The following EXOC6B variants were observed in gnomAD, a reference collection of about 807,000 sequenced individuals.
EXOC6B encodes the protein exocyst complex component 6B.
In EXOC6B, 54 loss-of-function variants were observed where a neutral mutation model predicts 113.5. That is an observed-to-expected ratio of 0.48 (90% CI 0.38 to 0.60). EXOC6B has a LOEUF of 0.60. Among genes scored for constraint, EXOC6B ranks in the 20% least tolerant of loss-of-function variants. The pLI is 0.00. For missense variants in EXOC6B, 797 were observed against 977.5 expected (o/e 0.82, Z 2.46); for synonymous variants, 357 against 339.0 (o/e 1.05, Z -0.58).
At chr2:72,405,104 T>C (rs528095584) in intron 18 of EXOC6B, among the ~76,000 whole-genome samples, 1 of 152,156 alleles carries the variant, frequency 6.6e-6, no homozygotes, top group East Asian at 1.9e-4. Flanking sequence ...AGAAAGGGTA[T>C]CAGTGATGGA....
intron 5 of EXOC6B, among the ~76,000 whole-genome samples, chr2:72,727,083 T>C (rs1680346556): frequency 6.6e-6 from 1 of 152,022 alleles, no homozygotes; most frequent in Non-Finnish European, 1.5e-5. Context: ...CTGTAACCAA[T>C]ACACTGAGGA....
chr2:72,733,609 T>C (rs191476911), intron 2 of EXOC6B, among the ~76,000 whole-genome samples: 3 of 152,248 alleles, frequency 2.0e-5, no homozygotes, highest in African/African-American at 7.2e-5. Context: ...TCTTAACAGC[T>C]CCTAACACTT....
chr2:72,491,163 T>C (rs1436458910), intron 16 of EXOC6B, among the ~76,000 whole-genome samples: 1 of 152,196 alleles, frequency 6.6e-6, no homozygotes, highest in Non-Finnish European at 1.5e-5. Context: ...AATATTTCTG[T>C]ACTAGGCAAT....
intron 1 of EXOC6B, among the ~76,000 whole-genome samples, chr2:72,815,492 A>C (rs1337451240): frequency 7.2e-6 from 1 of 138,372 alleles, no homozygotes; most frequent in Non-Finnish European, 1.6e-5. Context: ...ACCCTGTTTC[A>C]AAAAAAAAAA....
At chr2:72,357,071 A>G (rs1262600716) in intron 19 of EXOC6B, among the ~76,000 whole-genome samples, 2 of 152,198 alleles carry the variant, frequency 1.3e-5, no homozygotes, top group Non-Finnish European at 2.9e-5. Context: ...AAATGTGTGA[A>G]TTGTTGACTT....
At chr2:72,822,604 A>G (rs1686644662) in intron 1 of EXOC6B, among the ~76,000 whole-genome samples, 1 of 152,200 alleles carries the variant, frequency 6.6e-6, no homozygotes, top group Non-Finnish European at 1.5e-5. Context: ...ATGATACACA[A>G]ATAATAGCTG....
intron 18 of EXOC6B, among the ~76,000 whole-genome samples, chr2:72,382,669 T>G (rs1399783226): frequency 6.6e-6 from 1 of 152,176 alleles, no homozygotes; most frequent in Non-Finnish European, 1.5e-5. Flanking sequence ...ATATGGCATG[T>G]TTTTCCATTT....
At chr2:72,584,646 G>A (rs1705434972) in intron 6 of EXOC6B, among the ~76,000 whole-genome samples, 1 of 152,070 alleles carries the variant, frequency 6.6e-6, no homozygotes, top group South Asian at 2.1e-4. Flanking sequence ...ATTCAACAGT[G>A]GACCAATTGG....
At chr2:72,372,642 G>A (rs1404781449) in intron 19 of EXOC6B, among the ~76,000 whole-genome samples, 2 of 152,158 alleles carry the variant, frequency 1.3e-5, no homozygotes, top group Admixed American at 6.6e-5. Context: ...TCAGGAGATC[G>A]AGACCATCCT....
At chr2:72,361,672 T>C (rs932969788) in intron 19 of EXOC6B, among the ~76,000 whole-genome samples, 1 of 152,158 alleles carries the variant, frequency 6.6e-6, no homozygotes, top group African/African-American at 2.4e-5. Context: ...AAAGATTCTT[T>C]AGTTCTGATG....
chr2:72,234,172 C>T (rs1053911959), intron 20 of EXOC6B, among the ~76,000 whole-genome samples: 1 of 151,464 alleles, frequency 6.6e-6, no homozygotes, highest in East Asian at 1.9e-4. Context: ...CTGCAACCTC[C>T]GTCCCCCCGG....
At chr2:72,394,940 A>G (rs1692629174) in intron 18 of EXOC6B, among the ~76,000 whole-genome samples, 1 of 152,084 alleles carries the variant, frequency 6.6e-6, no homozygotes, top group Non-Finnish European at 1.5e-5. Context: ...GAGCCCTCCC[A>G]GATGCCAGAT....
At chr2:72,556,579 A>T (rs540302421) in intron 8 of EXOC6B, among the ~76,000 whole-genome samples, 38 of 152,188 alleles carry the variant, frequency 2.5e-4, no homozygotes, top group Non-Finnish European at 4.7e-4. Context: ...GTTGAAAAAC[A>T]AAGTTTATAT....
chr2:72,752,726 A>G (rs571643055), intron 1 of EXOC6B, among the ~76,000 whole-genome samples: 104 of 152,200 alleles, frequency 6.8e-4, no homozygotes, highest in Non-Finnish European at 1.1e-3. Flanking sequence ...CACAATGAAC[A>G]TATTCTTGCT....
chr2:72,634,945 C>CA (rs201983379), intron 6 of EXOC6B, among the ~76,000 whole-genome samples: 143 of 136,490 alleles, frequency 1.0e-3, no homozygotes, highest in Middle Eastern at 3.7e-3. Context: ...TGCTTGGAAA[C>CA]AAAAAAAAAA....
chr2:72,338,938 C>CATACAT (rs1688858597), intron 19 of EXOC6B, among the ~76,000 whole-genome samples: 1 of 151,384 alleles, frequency 6.6e-6, no homozygotes, highest in Non-Finnish European at 1.5e-5. Flanking sequence ...TACACATACA[C>CATACAT]ATACACATAC....
intron 20 of EXOC6B, among the ~76,000 whole-genome samples, chr2:72,253,894 C>T (rs1387334139): frequency 1.3e-5 from 2 of 152,328 alleles, no homozygotes; most frequent in East Asian, 1.9e-4. Flanking sequence ...GGCACAGTGG[C>T]TCACGCCTGT....
chr2:72,586,265 A>C (rs909594905), intron 6 of EXOC6B, among the ~76,000 whole-genome samples: 4 of 152,116 alleles, frequency 2.6e-5, no homozygotes, highest in Non-Finnish European at 5.9e-5. Flanking sequence ...AATTAAACTA[A>C]AGAGCTACAC....
intron 18 of EXOC6B, among the ~76,000 whole-genome samples, chr2:72,458,765 A>G (rs554547194): frequency 6.6e-6 from 1 of 152,258 alleles, no homozygotes; most frequent in African/African-American, 2.4e-5. Flanking sequence ...ATTTTAATTC[A>G]GACAAGCACC....
Sources: gnomAD v4.1 joint callset for allele counts (sites outside exome capture counted in the v4.1 genomes callset) on GRCh38, gnomAD v4.1.1 for gene constraint, MANE v1.5 for transcripts, NCBI Gene and HGNC (gene_info 2026-07-23, HGNC 2026-07-21) for gene names.